Variants in R3HDM2 observed in about 807,000 individuals in gnomAD.
The protein encoded by R3HDM2 is R3H domain-containing protein 2.
R3HDM2 carries 38 observed loss-of-function variants against 124.5 expected under a neutral mutation model. That is an observed-to-expected ratio of 0.31 (90% confidence interval 0.24 to 0.40). The LOEUF is 0.40. Ranked by LOEUF, R3HDM2 falls within the 10% of genes least tolerant of loss-of-function variation. The pLI is 1.00. For missense variants in R3HDM2, 869 were observed against 1,236.9 expected (o/e 0.70, Z 4.46); for synonymous variants, 391 against 448.0 (o/e 0.87, Z 1.61).
intron 2 of R3HDM2, among the ~76,000 whole-genome samples, chr12:57,370,069 A>G (rs920681975): frequency 3.9e-5 from 6 of 152,160 alleles, no homozygotes; most frequent in Non-Finnish European, 7.3e-5. Flanking sequence ...AGAGGGTGCT[A>G]TGGTTTGGCT....
At chr12:57,360,006 A>AATAAAT (rs1403496780) in intron 2 of R3HDM2, among the ~76,000 whole-genome samples, 83 of 117,668 alleles carry the variant, frequency 7.1e-4, no homozygotes, top group Admixed American at 3.2e-3. Context: ...TAAATAAATA[A>AATAAAT]ATATATATAT....
At chr12:57,290,783 T>TGTA (rs912196272) in intron 11 of R3HDM2, among the ~76,000 whole-genome samples, 2 of 152,170 alleles carry the variant, frequency 1.3e-5, no homozygotes, top group Non-Finnish European at 2.9e-5. Flanking sequence ...TGGCTAATTT[T>TGTA]GTATTTTTAG....
rs2038226860 is a variant in R3HDM2, at chr12:57,254,205, T to C, written c.*568A>G. ...TAGGAGAAGAGATTTAAAAAAATGATAGAAGAGGATGGAAGCCAGGCACAG... is the reference window on the plus strand; with the variant it reads ...TAGGAGAAGAGATTTAAAAAAATGACAGAAGAGGATGGAAGCCAGGCACAG... On this transcript the variant is annotated 3_prime_UTR_variant, in exon 24 of 24. Transcript: ENST00000402412. The C allele has an allele frequency of 2.2e-6, 1 of 455,720 alleles. No individual in the cohort carries two copies. The highest frequency in any genetic ancestry group is 1.6e-5 in the South Asian group (1 of 64,446). The allele number at this position is 455,720 out of a possible 1,614,324, so 28.2% of individuals were successfully genotyped here.
intron 2 of R3HDM2, among the ~76,000 whole-genome samples, chr12:57,354,997 TTTTG>T (rs935604863): frequency 7.9e-5 from 12 of 151,680 alleles, no homozygotes; most frequent in Middle Eastern, 3.4e-3. Flanking sequence ...GCTAGTTTTG[TTTTG>T]TTTGTTTGTT....
chr12:57,430,244 C>T (rs1008828356), intron 1 of R3HDM2, among the ~76,000 whole-genome samples: 3 of 152,058 alleles, frequency 2.0e-5, no homozygotes, highest in Non-Finnish European at 4.4e-5. Context: ...TTAGTGTAGG[C>T]CCAAGTTTTA....
intron 21 of R3HDM2, 147 bp downstream of exon 21, chr12:57,257,843 T>G (rs1285478433): frequency 1.2e-6 from 1 of 858,506 alleles, no homozygotes; most frequent in Non-Finnish European, 1.6e-6. Flanking sequence ...CCAAGGCCTA[T>G]ACAGGGATGT....
chr12:57,316,125 G>A (rs2139265217), intron 2 of R3HDM2, among the ~76,000 whole-genome samples: 1 of 152,292 alleles, frequency 6.6e-6, no homozygotes, highest in Admixed American at 6.5e-5. Context: ...ATTCTACTGA[G>A]ACCACCAGCC....
At chr12:57,415,747 A>G (rs1376551550) in intron 1 of R3HDM2, among the ~76,000 whole-genome samples, 1 of 152,196 alleles carries the variant, frequency 6.6e-6, no homozygotes, top group Non-Finnish European at 1.5e-5. Flanking sequence ...ACACAACATC[A>G]CCTGGGTAGT....
intron 3 of R3HDM2, chr12:57,304,444 G>C (rs2052096086): frequency 1.1e-6 from 1 of 917,894 alleles, no homozygotes; most frequent in Non-Finnish European, 1.3e-6. Context: ...GGAGGATAGG[G>C]GAGGGGAAAC....
chr12:57,392,044 T>C (rs1163213975), intron 2 of R3HDM2, among the ~76,000 whole-genome samples: 3 of 152,154 alleles, frequency 2.0e-5, no homozygotes, highest in Non-Finnish European at 4.4e-5. Flanking sequence ...GCACCTGTAA[T>C]CCCAGCAATT....
intron 19 of R3HDM2, among the ~76,000 whole-genome samples, chr12:57,263,736 G>A (rs1465723632): frequency 6.6e-6 from 1 of 152,156 alleles, no homozygotes; most frequent in Non-Finnish European, 1.5e-5. Context: ...GCCTTCCAAA[G>A]TGATGGGATT....
chr12:57,285,599 A>G (rs2047160116), intron 12 of R3HDM2, among the ~76,000 whole-genome samples: 1 of 152,088 alleles, frequency 6.6e-6, no homozygotes, highest in Non-Finnish European at 1.5e-5. Flanking sequence ...TAAGTTAGGT[A>G]CTCTCCAGGA....
intron 2 of R3HDM2, among the ~76,000 whole-genome samples, chr12:57,347,097 T>A (rs2137119396): frequency 6.6e-6 from 1 of 152,026 alleles, no homozygotes; most frequent in East Asian, 1.9e-4. Flanking sequence ...AATTAAAAAA[T>A]TAGCTGGGCT....
chr12:57,257,858 G>C, intron 21 of R3HDM2, 132 bp downstream of exon 21: 2 of 1,009,496 alleles, frequency 2.0e-6, no homozygotes, highest in Non-Finnish European at 2.6e-6. Flanking sequence ...GGATGTTAAA[G>C]GAAGAGTTAA....
chr12:57,367,328 G>A (rs1030239786), intron 2 of R3HDM2, among the ~76,000 whole-genome samples: 1 of 152,170 alleles, frequency 6.6e-6, no homozygotes, highest in Non-Finnish European at 1.5e-5. Flanking sequence ...TGAAACTGGG[G>A]CTACTAAGTA....
chr12:57,305,520 G>T, intron 3 of R3HDM2: 1 of 394,694 alleles, frequency 2.5e-6, no homozygotes, highest in South Asian at 1.4e-4. Flanking sequence ...AACAATATAT[G>T]AATGAATCTG....
intron 3 of R3HDM2, among the ~76,000 whole-genome samples, chr12:57,304,238 G>A (rs541546076): frequency 7.0e-4 from 106 of 152,276 alleles, no homozygotes; most frequent in African/African-American, 2.5e-3. Context: ...GATAGAAACC[G>A]AGGAAGATAA....
Position 57,375,860 on chromosome 12 carries a change from G to A in R3HDM2, c.-36+19889C>T, listed in dbSNP as rs567652473. On this transcript the variant is annotated intron_variant, in intron 2 of 23. Coordinates refer to ENST00000402412, the MANE Select transcript of R3HDM2 (RefSeq NM_001394031.1). ...GCTAATATTTTGTATTTTTAGTAGA[G>A]ACAGGGTTTCACTATGTTAGCCAGG... Among the ~76,000 whole-genome samples, 7 of 152,150 alleles carry A rather than the reference G, an allele frequency of 4.6e-5. No homozygotes were observed. In the East Asian group the frequency reaches 1.4e-3, roughly 29 times the overall value.
chr12:57,342,921 C>G (rs2059711138), intron 2 of R3HDM2, among the ~76,000 whole-genome samples: 1 of 152,122 alleles, frequency 6.6e-6, no homozygotes, highest in Admixed American at 6.6e-5. Flanking sequence ...ATACCAGTAG[C>G]TATCTATTCC....
Sources: allele counts gnomAD v4.1 joint callset (sites outside exome capture counted in the v4.1 genomes callset), GRCh38; gene constraint gnomAD v4.1.1; transcripts MANE v1.5; gene names NCBI Gene and HGNC (gene_info 2026-07-23, HGNC 2026-07-21).